Variants in EIF4G3 observed in about 807,000 individuals in gnomAD.
The protein encoded by EIF4G3 is eIF-4-gamma 3.
A neutral mutation model predicts 186.4 loss-of-function variants in EIF4G3; 34 were observed. The ratio of observed to expected loss-of-function variants is 0.18; its 90% CI spans 0.14 to 0.24. EIF4G3 has a LOEUF of 0.24. Among genes scored for constraint, EIF4G3 ranks in the 10% least tolerant of loss-of-function variants. The pLI is 1.00. For missense variants in EIF4G3, 1,536 were observed against 1,948.5 expected (o/e 0.79, Z 3.99); for synonymous variants, 673 against 679.5 (o/e 0.99, Z 0.15).
chr1:20,946,959 A>G (rs530940744), intron 13 of EIF4G3, among the ~76,000 whole-genome samples: 2 of 152,338 alleles, frequency 1.3e-5, no homozygotes, highest in East Asian at 1.9e-4. Flanking sequence ...TGCAAAATGT[A>G]GAGACTGTTG....
At chr1:21,156,154 A>C (rs904665130) in intron 2 of EIF4G3, among the ~76,000 whole-genome samples, 5 of 151,690 alleles carry the variant, frequency 3.3e-5, no homozygotes, top group Admixed American at 1.3e-4. Flanking sequence ...ACAAAAAAAA[A>C]CTCAAGAGCT....
intron 14 of EIF4G3, among the ~76,000 whole-genome samples, chr1:20,928,084 T>G (rs912892821): frequency 6.6e-6 from 1 of 152,060 alleles, no homozygotes; most frequent in African/African-American, 2.4e-5. Context: ...GGTCTTGAAC[T>G]CTACAGGTGG....
intron 2 of EIF4G3, among the ~76,000 whole-genome samples, chr1:21,165,364 T>A (rs1203187623): frequency 6.6e-6 from 1 of 152,140 alleles, no homozygotes. Flanking sequence ...ACATAACATC[T>A]ATATAAAAAC....
chr1:20,951,653 A>G (rs922066583), intron 12 of EIF4G3, among the ~76,000 whole-genome samples: 3 of 151,952 alleles, frequency 2.0e-5, no homozygotes, highest in African/African-American at 4.8e-5. Flanking sequence ...AGTTAACCAC[A>G]TTTCCCAGGA....
At chr1:21,045,591 G>A (rs143666877) in intron 4 of EIF4G3, among the ~76,000 whole-genome samples, 4 of 152,126 alleles carry the variant, frequency 2.6e-5, no homozygotes, top group African/African-American at 9.7e-5. Context: ...CAAAAGCCTG[G>A]AAGTCTAGAC....
At chr1:21,053,252 A>T (rs1318479686) in intron 3 of EIF4G3, among the ~76,000 whole-genome samples, 1 of 128,728 alleles carries the variant, frequency 7.8e-6, no homozygotes, top group Non-Finnish European at 1.6e-5. Flanking sequence ...AAGTGAGGAG[A>T]CCCTCTGCCT....
chr1:20,852,298 G>A lies in EIF4G3; in HGVS notation c.3552-820C>T, dbSNP rs142948566. Among the ~76,000 whole-genome samples the A allele has an allele frequency of 3.7e-4, 57 of 152,148 alleles. 1 individual carries two copies. The highest frequency in any genetic ancestry group is 1.2e-3 in the African/African-American group (50 of 41,516). On this transcript the variant is annotated intron_variant, in intron 27 of 36. Transcript: ENST00000602326. ...ATTACAGGCGTGAGCCACTGTGCCCGGCCTTAATTTTGGCAATTTCTTTTT... is the reference window on the plus strand; with the variant it reads ...ATTACAGGCGTGAGCCACTGTGCCCAGCCTTAATTTTGGCAATTTCTTTTT...
At chr1:21,095,370 A>G (rs1381491402) in intron 2 of EIF4G3, among the ~76,000 whole-genome samples, 1 of 152,178 alleles carries the variant, frequency 6.6e-6, no homozygotes, top group Non-Finnish European at 1.5e-5. Context: ...TTTGGAGTAC[A>G]GTGTTGGGTT....
intron 3 of EIF4G3, among the ~76,000 whole-genome samples, chr1:21,083,487 C>CTT (rs11368580): frequency 4.3e-4 from 62 of 144,456 alleles, no homozygotes; most frequent in Non-Finnish European, 4.5e-4. Context: ...CACACACACA[C>CTT]TTTTTTTTTT....
intron 2 of EIF4G3, among the ~76,000 whole-genome samples, chr1:21,172,983 CA>C (rs2098016036): frequency 6.7e-6 from 1 of 149,894 alleles, no homozygotes; most frequent in Non-Finnish European, 1.5e-5. Context: ...TACTAAAATA[CA>C]AAAAATTAGC....
chr1:21,068,375 T>TGA (rs1219542911), intron 3 of EIF4G3, among the ~76,000 whole-genome samples: 2 of 67,824 alleles, frequency 2.9e-5, no homozygotes, highest in African/African-American at 9.8e-5. Flanking sequence ...ACTCTGTCTT[T>TGA]AAAAAAAAAA....
intron 4 of EIF4G3, 97 bp from the exon 5 acceptor site, chr1:21,002,905 T>C (rs977155559): frequency 4.6e-6 from 3 of 659,312 alleles, no homozygotes; most frequent in Non-Finnish European, 2.6e-6. Context: ...GAAGTGGTTA[T>C]TAATGTGGTT....
At chr1:20,964,647 C>T (rs144435748) in intron 12 of EIF4G3, among the ~76,000 whole-genome samples, 44 of 152,306 alleles carry the variant, frequency 2.9e-4, no homozygotes, top group Non-Finnish European at 5.1e-4. Context: ...ATTGCTCCCT[C>T]GGCATCCACT....
intron 12 of EIF4G3, among the ~76,000 whole-genome samples, chr1:20,957,285 T>C (rs558953740): frequency 6.6e-6 from 1 of 152,288 alleles, no homozygotes; most frequent in East Asian, 1.9e-4. Flanking sequence ...AATCTGTTTC[T>C]ACATGGTATC....
At chr1:20,988,558 T>C (rs1558586678) in intron 7 of EIF4G3, 1 of 153,004 alleles carries the variant, frequency 6.5e-6, no homozygotes, top group Non-Finnish European at 1.5e-5. Context: ...ATAAATAAAA[T>C]AACAAAGCCA....
At chr1:20,893,340 G>A in intron 18 of EIF4G3, 177 bp downstream of exon 18, 1 of 592,814 alleles carries the variant, frequency 1.7e-6, no homozygotes, top group Non-Finnish European at 2.6e-6. Context: ...CAAGTAAAAA[G>A]AACTCAAGTG....
intron 3 of EIF4G3, among the ~76,000 whole-genome samples, chr1:21,060,903 G>C (rs1007668179): frequency 4.6e-5 from 7 of 151,956 alleles, no homozygotes; most frequent in African/African-American, 1.7e-4. Context: ...AAGGAATGTA[G>C]ACTGATTGAT....
At chr1:21,075,146 G>C (rs1207924616) in intron 3 of EIF4G3, among the ~76,000 whole-genome samples, 1 of 152,008 alleles carries the variant, frequency 6.6e-6, no homozygotes, top group East Asian at 1.9e-4. Flanking sequence ...AAAATGATAG[G>C]AATTAGTACT....
At chr1:20,858,762 C>T (rs181205660) in intron 24 of EIF4G3, among the ~76,000 whole-genome samples, 8 of 151,892 alleles carry the variant, frequency 5.3e-5, no homozygotes, top group Non-Finnish European at 8.8e-5. Flanking sequence ...TTTGGGAGGC[C>T]GAGGCAGGTG....
Sources: allele counts gnomAD v4.1 joint callset (sites outside exome capture counted in the v4.1 genomes callset), GRCh38; gene constraint gnomAD v4.1.1; transcripts MANE v1.5; gene names NCBI Gene and HGNC (gene_info 2026-07-23, HGNC 2026-07-21).